VPS13B: variants seen among roughly 807,000 people sequenced by gnomAD.
VPS13B encodes vacuolar protein sorting 13 homolog B, also known as intermembrane lipid transfer protein VPS13B.
VPS13B carries 285 observed loss-of-function variants against 426.4 expected under a neutral mutation model. The ratio of observed to expected loss-of-function variants is 0.67; its 90% CI spans 0.61 to 0.74. VPS13B has a LOEUF of 0.74. VPS13B is among the 30% of genes least tolerant of loss of function. The pLI is 0.00. For missense variants in VPS13B, 4,537 were observed against 4,782.6 expected (o/e 0.95, Z 1.51); for synonymous variants, 1,676 against 1,676.4 (o/e 1.00, Z 0.01).
At chr8:99,780,866 T>C (rs781299168) in intron 42 of VPS13B, among the ~76,000 whole-genome samples, 1 of 152,162 alleles carries the variant, frequency 6.6e-6, no homozygotes, top group Non-Finnish European at 1.5e-5. Context: ...GGTTATTGAG[T>C]TCATTGTTTC....
intron 35 of VPS13B, among the ~76,000 whole-genome samples, chr8:99,684,185 T>C (rs898904337): frequency 6.6e-6 from 1 of 152,266 alleles, no homozygotes; most frequent in African/African-American, 2.4e-5. Context: ...TCATTAGTTC[T>C]GTATGCTGAT....
chr8:99,755,386 T>A (rs1042683338), intron 39 of VPS13B, among the ~76,000 whole-genome samples: 5 of 152,196 alleles, frequency 3.3e-5, no homozygotes, highest in African/African-American at 1.2e-4. Context: ...AATTGGAGAC[T>A]TCAGTGGCCA....
chr8:99,698,177 A>G (rs968475800), intron 35 of VPS13B, among the ~76,000 whole-genome samples: 2 of 152,220 alleles, frequency 1.3e-5, no homozygotes, highest in Non-Finnish European at 2.9e-5. Flanking sequence ...TCATCATTCC[A>G]TGGATATTCA....
intron 3 of VPS13B, among the ~76,000 whole-genome samples, chr8:99,080,860 T>G (rs1413115470): frequency 2.0e-5 from 3 of 152,320 alleles, no homozygotes; most frequent in South Asian, 2.1e-4. Context: ...GGTCATTATC[T>G]CTCTATTTCA....
intron 43 of VPS13B, 130 bp from the exon 44 acceptor site, chr8:99,809,245 T>C: frequency 8.7e-7 from 1 of 1,145,276 alleles, no homozygotes; most frequent in Non-Finnish European, 1.3e-6. Context: ...GGATGAATAA[T>C]GCAGGTTAGA....
rs150751988 is a variant in VPS13B at position 99,189,928 on chromosome 8, G to C, written c.2334-2948G>C. On this transcript the variant is annotated intron_variant, in intron 16 of 61. Transcript: ENST00000357162. ...ATGTGTACTCTGCTGTTGTTGGGTG[G>C]GGTGTCCTACAAATGTCAGTTAGGC... is the stretch of plus-strand genomic sequence containing the variant. 2.7e-4 allele frequency among the ~76,000 whole-genome samples: 41 copies of C among 152,170 alleles called. No individual in the cohort carries two copies. The East Asian group carries it at 7.9e-3, about 29-fold the overall frequency.
At chr8:99,691,703 A>G (rs967287615) in intron 35 of VPS13B, among the ~76,000 whole-genome samples, 1 of 149,244 alleles carries the variant, frequency 6.7e-6, no homozygotes, top group Non-Finnish European at 1.5e-5. Context: ...TATTAACTTT[A>G]AATGTAAATG....
At chr8:99,066,373 A>G (rs1254002275) in intron 3 of VPS13B, among the ~76,000 whole-genome samples, 1 of 152,236 alleles carries the variant, frequency 6.6e-6, no homozygotes. Context: ...CTGATCTTTG[A>G]CAAACCTGAG....
Position 99,820,035 on chromosome 8 carries a change from A to G in VPS13B, c.8907A>G (p.Glu2969=). The change falls in exon 49 of 62, where the codon GAA becomes GAG. Residue 2969 remains glutamate (E), a synonymous_variant. Transcript: ENST00000357162. ...TGCCCTGGGCCCTGCTTATCAATGA[A>G]TCCAAATGGGACCTCTGGCTATTTG... The part of the protein sequence containing the change: ...ELLPWALLIN[E]SKWDLWLFEG... The G allele has an allele frequency of 2.5e-6, 4 of 1,614,002 alleles. No homozygotes were observed. The highest frequency in any genetic ancestry group is 3.4e-6 in the Non-Finnish European group (4 of 1,179,904).
chr8:99,095,647 T>C (rs1188117316), intron 3 of VPS13B, among the ~76,000 whole-genome samples: 1 of 152,162 alleles, frequency 6.6e-6, no homozygotes, highest in Non-Finnish European at 1.5e-5. Flanking sequence ...AATCCAGCAA[T>C]TTGGCATGTA....
At chr8:99,440,681 A>G (rs886241014) in intron 22 of VPS13B, among the ~76,000 whole-genome samples, 2 of 152,066 alleles carry the variant, frequency 1.3e-5, no homozygotes, top group Non-Finnish European at 2.9e-5. Flanking sequence ...TGTTGCTCAC[A>G]TTGTTTACAC....
intron 3 of VPS13B, among the ~76,000 whole-genome samples, chr8:99,082,689 GT>G (rs1426701314): frequency 1.3e-5 from 2 of 152,150 alleles, no homozygotes; most frequent in Non-Finnish European, 2.9e-5. Context: ...TGGCTAGCCA[GT>G]TTTCTCAGCA....
intron 19 of VPS13B, among the ~76,000 whole-genome samples, chr8:99,366,406 C>G (rs752265752): frequency 3.9e-5 from 6 of 152,006 alleles, no homozygotes; most frequent in Non-Finnish European, 8.8e-5. Flanking sequence ...TAGCTACTCC[C>G]GCACTTTTTT....
chr8:99,284,219 G>A (rs945626472), intron 19 of VPS13B, among the ~76,000 whole-genome samples: 1 of 151,934 alleles, frequency 6.6e-6, no homozygotes, highest in Non-Finnish European at 1.5e-5. Flanking sequence ...TCTTTTTTCA[G>A]ATCATGAAAT....
chr8:99,290,575 A>G (rs2133043951), intron 19 of VPS13B, among the ~76,000 whole-genome samples: 1 of 152,070 alleles, frequency 6.6e-6, no homozygotes, highest in Middle Eastern at 3.4e-3. Context: ...TAATGGGTGC[A>G]GCACACCAAC....
rs201277691 is a variant in VPS13B at position 99,577,091 on chromosome 8, CG to C, written c.5077-398del. Among the ~76,000 whole-genome samples, 1,046 of 152,202 alleles carry C rather than the reference CG, an allele frequency of 6.9e-3. 9 individuals are homozygous for C. Among genetic ancestry groups the C allele is most frequent in the Non-Finnish European group, 0.012 (806 of 67,954 alleles). On this transcript the variant is annotated intron_variant, in intron 32 of 61. Transcript: ENST00000357162. ...TGTGATATTCATAGGACTCTACTAT[CG>C]TACCTAGTACTTAGGAAATGCTCAG... is the stretch of plus-strand genomic sequence containing the variant.
At chr8:99,021,027 G>A (rs1235112424) in intron 2 of VPS13B, among the ~76,000 whole-genome samples, 2 of 152,196 alleles carry the variant, frequency 1.3e-5, no homozygotes, top group East Asian at 3.8e-4. Context: ...TTGGTGAGTT[G>A]TATCTTTCAA....
intron 14 of VPS13B, among the ~76,000 whole-genome samples, chr8:99,152,187 A>G (rs1811113415): frequency 6.6e-6 from 1 of 152,222 alleles, no homozygotes; most frequent in Non-Finnish European, 1.5e-5. Context: ...ACTGCATGCT[A>G]CAAATTTCGA....
chr8:99,356,373 C>T (rs1444428971), intron 19 of VPS13B, among the ~76,000 whole-genome samples: 2 of 152,130 alleles, frequency 1.3e-5, no homozygotes, highest in East Asian at 1.9e-4. Context: ...TTGGGCAAGG[C>T]GCAGGGGCTC....
Sources: gnomAD v4.1 joint callset for allele counts (sites outside exome capture counted in the v4.1 genomes callset) on GRCh38, gnomAD v4.1.1 for gene constraint, MANE v1.5 for transcripts, NCBI Gene and HGNC (gene_info 2026-07-23, HGNC 2026-07-21) for gene names.